FHIT: variants seen among roughly 807,000 people sequenced by gnomAD.
The protein encoded by FHIT is fragile histidine triad diadenosine triphosphatase, also known as bis(5'-adenosyl)-triphosphatase.
In FHIT, 19 loss-of-function variants were observed where a neutral mutation model predicts 17.9. That is an observed-to-expected ratio of 1.06 (90% CI 0.74 to 1.56). The LOEUF is 1.56. Ranked by LOEUF, FHIT falls within the 40% of genes most tolerant of loss-of-function variation. The pLI, the probability that FHIT is intolerant of heterozygous loss-of-function variation, is 0.00. For synonymous variants in FHIT, 81 were observed against 69.7 expected, an observed-to-expected ratio of 1.16 and a Z score of -0.81; for missense variants, 248 against 189.2, an observed-to-expected ratio of 1.31 and a Z score of -1.82.
chr3:60,667,683 T>C (rs1559626156), intron 4 of FHIT, among the ~76,000 whole-genome samples: 1 of 152,164 alleles, frequency 6.6e-6, no homozygotes, highest in African/African-American at 2.4e-5. Flanking sequence ...TAATTTTTTA[T>C]TGAATCCTGG....
At chr3:60,736,506 T>C (rs2042135952) in intron 4 of FHIT, among the ~76,000 whole-genome samples, 1 of 152,212 alleles carries the variant, frequency 6.6e-6, no homozygotes, top group Admixed American at 6.5e-5. Context: ...TGGATGAGCC[T>C]TGAAAACATT....
intron 3 of FHIT, among the ~76,000 whole-genome samples, chr3:60,963,595 C>T (rs140043592): frequency 0.094 from 14,330 of 152,140 alleles, 937 homozygotes; most frequent in East Asian, 0.24. Context: ...CTACACACTG[C>T]TTTAAATATG....
At chr3:61,168,891 CA>C (rs1460102809) in intron 2 of FHIT, among the ~76,000 whole-genome samples, 1 of 152,084 alleles carries the variant, frequency 6.6e-6, no homozygotes, top group Admixed American at 6.5e-5. Context: ...GGTTGAAAGC[CA>C]GAAGCTATGT....
intron 4 of FHIT, among the ~76,000 whole-genome samples, chr3:60,784,450 C>T (rs1700497410): frequency 6.6e-6 from 1 of 152,092 alleles, no homozygotes. Context: ...GATCCCCTGC[C>T]TCAGCCTGCT....
chr3:61,105,227 A>G (rs901436763), intron 2 of FHIT, among the ~76,000 whole-genome samples: 23 of 140,796 alleles, frequency 1.6e-4, no homozygotes, highest in African/African-American at 5.2e-4. Context: ...GAGGTTGCTG[A>G]CCTTTGGATG....
chr3:60,605,629 A>G (rs1429069210), intron 4 of FHIT, among the ~76,000 whole-genome samples: 1 of 152,220 alleles, frequency 6.6e-6, no homozygotes, highest in Non-Finnish European at 1.5e-5. Flanking sequence ...AACTACAGCA[A>G]TTAAACACAA....
At chr3:60,022,880 T>G (rs887223566) in intron 5 of FHIT, among the ~76,000 whole-genome samples, 4 of 152,228 alleles carry the variant, frequency 2.6e-5, no homozygotes, top group African/African-American at 7.2e-5. Context: ...TTCTGGGACT[T>G]GCAATGTCTC....
intron 5 of FHIT, among the ~76,000 whole-genome samples, chr3:60,055,255 G>A (rs1702035161): frequency 6.6e-6 from 1 of 152,050 alleles, no homozygotes; most frequent in Non-Finnish European, 1.5e-5. Flanking sequence ...ACTCCAGCTT[G>A]CAGTACAGGG....
At chr3:60,319,921 G>A (rs1709344738) in intron 5 of FHIT, among the ~76,000 whole-genome samples, 1 of 152,112 alleles carries the variant, frequency 6.6e-6, no homozygotes, top group Non-Finnish European at 1.5e-5. Flanking sequence ...TTATCAGGAA[G>A]AAAAACAGGA....
At chr3:61,220,141 C>G (rs955801444) in intron 1 of FHIT, among the ~76,000 whole-genome samples, 1 of 152,106 alleles carries the variant, frequency 6.6e-6, no homozygotes, top group Non-Finnish European at 1.5e-5. Context: ...TAAATTCAGC[C>G]CTCGTTTTCA....
intron 5 of FHIT, among the ~76,000 whole-genome samples, chr3:60,512,134 C>T (rs2034974236): frequency 6.6e-6 from 1 of 152,082 alleles, no homozygotes; most frequent in Non-Finnish European, 1.5e-5. Flanking sequence ...CTAAAACAAA[C>T]AATTAGGGGA....
intron 2 of FHIT, among the ~76,000 whole-genome samples, chr3:61,063,632 C>A (rs978635898): frequency 6.6e-6 from 1 of 152,018 alleles, no homozygotes; most frequent in African/African-American, 2.4e-5. Flanking sequence ...TTCACAAACA[C>A]AAATGAATAT....
rs112414007 is a variant in FHIT, at chr3:60,254,716, A to G, written c.104-240564T>C. Among the ~76,000 whole-genome samples the G allele has an allele frequency of 7.3e-3, 1,112 of 152,260 alleles. 17 individuals carry two copies. Among genetic ancestry groups the G allele is most frequent in the African/African-American group, 0.026 (1,061 of 41,556 alleles). On this transcript the variant is annotated intron_variant, in intron 5 of 9. Coordinates refer to ENST00000492590, the MANE Select transcript of FHIT (RefSeq NM_002012.4). The stretch of plus-strand genomic sequence containing the variant: ...TACTTCCCATGTTCTTCAGCCCTCC[A>G]TTACAATCCACTCCCCTACCCAAAA...
At chr3:60,154,091 G>T (rs769829799) in intron 5 of FHIT, among the ~76,000 whole-genome samples, 3 of 152,336 alleles carry the variant, frequency 2.0e-5, no homozygotes, top group African/African-American at 7.2e-5. Flanking sequence ...TCCCTGGAAA[G>T]TAAGTTAGTA....
At chr3:59,891,690 C>T (rs1015902190) in intron 8 of FHIT, among the ~76,000 whole-genome samples, 9 of 152,172 alleles carry the variant, frequency 5.9e-5, no homozygotes, top group African/African-American at 1.9e-4. Flanking sequence ...GTCATCTCTT[C>T]GATGGGCATT....
chr3:60,651,011 C>G (rs1441173955), intron 4 of FHIT, among the ~76,000 whole-genome samples: 1 of 151,692 alleles, frequency 6.6e-6, no homozygotes, highest in African/African-American at 2.4e-5. Flanking sequence ...TGTTTTTTAC[C>G]TAAATTATAC....
chr3:60,212,406 C>G (rs928384634), intron 5 of FHIT, among the ~76,000 whole-genome samples: 1 of 152,080 alleles, frequency 6.6e-6, no homozygotes, highest in African/African-American at 2.4e-5. Flanking sequence ...AAAAGTTTAG[C>G]TAATGTACAT....
intron 3 of FHIT, among the ~76,000 whole-genome samples, chr3:60,862,365 A>G (rs116328029): frequency 0.021 from 3,124 of 152,010 alleles, 117 homozygotes; most frequent in African/African-American, 0.072. Context: ...ACGCGGTCTC[A>G]CTTTGTTGCC....
chr3:60,576,657 C>T (rs191702499), intron 4 of FHIT, among the ~76,000 whole-genome samples: 39 of 151,976 alleles, frequency 2.6e-4, no homozygotes, highest in African/African-American at 7.7e-4. Flanking sequence ...CAGAACAGAC[C>T]GTGAAAATGT....
Sources: gnomAD v4.1 joint callset for allele counts (sites outside exome capture counted in the v4.1 genomes callset) on GRCh38, gnomAD v4.1.1 for gene constraint, MANE v1.5 for transcripts, NCBI Gene and HGNC (gene_info 2026-07-23, HGNC 2026-07-21) for gene names.